LRP1B: variants seen among roughly 807,000 people sequenced by gnomAD.
LRP1B encodes LDL receptor related protein 1B.
Under a neutral mutation model 556.6 loss-of-function variants are expected in LRP1B, and 217 were observed. The ratio of observed to expected loss-of-function variants is 0.39; its 90% confidence interval spans 0.35 to 0.44. The LOEUF (loss-of-function observed/expected upper bound fraction) is 0.44, where lower values mean the gene tolerates loss of function less well. Among genes scored for constraint, LRP1B ranks in the 20% least tolerant of loss-of-function variants. The pLI is 1.00. For synonymous variants in LRP1B, 2,047 were observed against 1,865.8 expected (o/e 1.10, Z -2.50); for missense variants, 5,053 against 5,620.8 (o/e 0.90, Z 3.23).
At chr2:141,450,083 A>C (rs1362637759) in intron 3 of LRP1B, among the ~76,000 whole-genome samples, 1 of 152,178 alleles carries the variant, frequency 6.6e-6, no homozygotes, top group Admixed American at 6.5e-5. Context: ...GAGGGAAGAA[A>C]GGATAAAGGA....
intron 26 of LRP1B, 42 bp downstream of exon 26, chr2:140,868,057 T>G: frequency 1.3e-6 from 2 of 1,544,366 alleles, no homozygotes; most frequent in Non-Finnish European, 1.7e-6. Flanking sequence ...AAATATTATC[T>G]AAGTAAAAAA....
chr2:141,305,978 G>C (rs1338686129), intron 3 of LRP1B, among the ~76,000 whole-genome samples: 1 of 152,056 alleles, frequency 6.6e-6, no homozygotes, highest in African/African-American at 2.4e-5. Context: ...ATATACTTTT[G>C]AATGTGATTT....
At chr2:141,449,457 T>G (rs990107311) in intron 3 of LRP1B, among the ~76,000 whole-genome samples, 2 of 152,218 alleles carry the variant, frequency 1.3e-5, no homozygotes, top group Non-Finnish European at 2.9e-5. Flanking sequence ...ATTTTTTATA[T>G]TTCAGATTTT....
At position 141,169,103 on chromosome 2, in the gene LRP1B, T is replaced by G. The variant is rs1489025989; in HGVS notation, c.1013+19318A>C. Among the ~76,000 whole-genome samples the G allele has an allele frequency of 5.9e-5, 9 of 151,826 alleles. No individual in the cohort carries two copies. The East Asian group carries it at 1.6e-3, about 26-fold the overall frequency. On this transcript the variant is annotated intron_variant, in intron 7 of 90. Transcript: ENST00000389484. ...GAGTTTGAGACCAGCCCAACCGACA[T>G]GGTGAAACCCTGTCTCTACAAAAAA...
intron 59 of LRP1B, among the ~76,000 whole-genome samples, chr2:140,477,910 C>A (rs1458687556): frequency 1.3e-5 from 2 of 152,068 alleles, no homozygotes; most frequent in African/African-American, 4.8e-5. Context: ...TAGCTCAAAT[C>A]AGAGTTTTTC....
intron 23 of LRP1B, chr2:140,898,321 T>C (rs955103004): frequency 6.5e-5 from 10 of 153,568 alleles, no homozygotes; most frequent in African/African-American, 2.4e-4. Context: ...TATCCAGGAC[T>C]AAGTCTGGGG....
Position 140,636,495 on chromosome 2 carries a change from A to G in LRP1B, c.6800-34856T>C, listed in dbSNP as rs140686833. ...TATTCCTGCATTTAATTATTCATTAAAAATGTGTGTTTTCTATCTATAAGT... is the reference window on the plus strand; with the variant it reads ...TATTCCTGCATTTAATTATTCATTAGAAATGTGTGTTTTCTATCTATAAGT... On this transcript the variant is annotated intron_variant, in intron 41 of 90. Coordinates refer to ENST00000389484, the MANE Select transcript of LRP1B (RefSeq NM_018557.3). Among the ~76,000 whole-genome samples, 4 of 152,276 alleles carry G rather than the reference A, an allele frequency of 2.6e-5. No homozygotes were observed. The East Asian group carries it at 7.7e-4, about 29-fold the overall frequency.
chr2:140,445,197 C>T (rs1012600050), intron 63 of LRP1B, among the ~76,000 whole-genome samples: 1 of 151,922 alleles, frequency 6.6e-6, no homozygotes, highest in Non-Finnish European at 1.5e-5. Flanking sequence ...CTCACTGCAA[C>T]CTCTGTCTCC....
chr2:141,522,234 A>T (rs28397978), intron 2 of LRP1B, among the ~76,000 whole-genome samples: 4 of 152,068 alleles, frequency 2.6e-5, no homozygotes, highest in African/African-American at 4.8e-5. Context: ...TTGCACACTC[A>T]AGTCTGAGAA....
chr2:141,512,591 A>G (rs1012642554), intron 2 of LRP1B, among the ~76,000 whole-genome samples: 2 of 152,106 alleles, frequency 1.3e-5, no homozygotes, highest in African/African-American at 4.8e-5. Flanking sequence ...TCAGACACAA[A>G]CTGTTATGTA....
At chr2:140,711,081 A>G (rs567472731) in intron 37 of LRP1B, among the ~76,000 whole-genome samples, 57 of 152,210 alleles carry the variant, frequency 3.7e-4, no homozygotes, top group African/African-American at 1.3e-3. Context: ...TATATCCAGA[A>G]TAAAAGTAGA....
At chr2:141,371,712 C>T (rs1260101987) in intron 3 of LRP1B, among the ~76,000 whole-genome samples, 1 of 152,120 alleles carries the variant, frequency 6.6e-6, no homozygotes, top group East Asian at 1.9e-4. Context: ...TATACATTGA[C>T]TTTTCTATCC....
At chr2:141,527,264 T>C (rs1299587571) in intron 2 of LRP1B, among the ~76,000 whole-genome samples, 2 of 152,122 alleles carry the variant, frequency 1.3e-5, no homozygotes, top group African/African-American at 4.8e-5. Context: ...CATAATTCTT[T>C]TCTGGTCTTC....
At chr2:141,126,393 G>T (rs1315723588) in intron 7 of LRP1B, among the ~76,000 whole-genome samples, 1 of 152,108 alleles carries the variant, frequency 6.6e-6, no homozygotes, top group Non-Finnish European at 1.5e-5. Context: ...GATTCTAGAG[G>T]AGGGCACTCA....
At chr2:140,379,363 G>T (rs894521048) in intron 67 of LRP1B, among the ~76,000 whole-genome samples, 1 of 152,100 alleles carries the variant, frequency 6.6e-6, no homozygotes, top group Non-Finnish European at 1.5e-5. Flanking sequence ...ACATCTTGAT[G>T]GTTTGGTATC....
At chr2:141,683,605 G>A (rs139422705) in intron 2 of LRP1B, among the ~76,000 whole-genome samples, 84 of 152,214 alleles carry the variant, frequency 5.5e-4, no homozygotes, top group African/African-American at 1.9e-3. Context: ...AGGGTTAAAG[G>A]TGGGCCTGGC....
At chr2:140,841,456 C>G (rs1429370) in intron 29 of LRP1B, among the ~76,000 whole-genome samples, 136,602 of 152,178 alleles carry the variant, frequency 0.9, 61,614 homozygotes, top group East Asian at 1. Flanking sequence ...TTTCTAGTTA[C>G]GAGAAAGTAC....
chr2:140,236,409 AG>A (rs1292033122), intron 89 of LRP1B, among the ~76,000 whole-genome samples: 1 of 151,040 alleles, frequency 6.6e-6, no homozygotes, highest in Non-Finnish European at 1.5e-5. Flanking sequence ...GAATAAACCA[AG>A]AAAAATTGTT....
At chr2:141,746,020 C>T (rs1047951314) in intron 2 of LRP1B, among the ~76,000 whole-genome samples, 1 of 152,006 alleles carries the variant, frequency 6.6e-6, no homozygotes, top group African/African-American at 2.4e-5. Context: ...GACTTCAATG[C>T]AAGACAAAGT....
Sources: allele counts gnomAD v4.1 joint callset (sites outside exome capture counted in the v4.1 genomes callset), GRCh38; gene constraint gnomAD v4.1.1; transcripts MANE v1.5; gene names NCBI Gene and HGNC (gene_info 2026-07-23, HGNC 2026-07-21).